Variants in AFF3 observed in about 807,000 individuals in gnomAD.
The protein encoded by AFF3 is ALF transcription elongation factor 3, also known as AF4/FMR2 family member 3.
AFF3 carries 32 observed loss-of-function variants against 129.7 expected under a neutral mutation model. The observed-to-expected ratio is 0.25, with a 90% CI of 0.19 to 0.33. The LOEUF is 0.33. AFF3 is among the 10% of genes least tolerant of loss of function. The probability of loss-of-function intolerance (pLI) is 1.00; values close to 1 mark genes in which losing one functional copy is unlikely to be tolerated. For synonymous variants in AFF3, 644 were observed against 635.4 expected (o/e 1.01, Z -0.20); for missense variants, 1,373 against 1,592.0 (o/e 0.86, Z 2.34).
intron 8 of AFF3, among the ~76,000 whole-genome samples, chr2:99,812,303 G>A (rs940686832): frequency 2.0e-5 from 3 of 152,098 alleles, no homozygotes; most frequent in Non-Finnish European, 4.4e-5. Flanking sequence ...TGTTACTTCT[G>A]AAGTAAGATC....
At chr2:99,805,871 G>T (rs375142642) in intron 8 of AFF3, among the ~76,000 whole-genome samples, 1 of 148,388 alleles carries the variant, frequency 6.7e-6, no homozygotes, top group Admixed American at 6.7e-5. Flanking sequence ...ACATTTGCCC[G>T]CTCTTTTCAT....
At chr2:99,921,680 A>G (rs541613904) in intron 7 of AFF3, among the ~76,000 whole-genome samples, 32 of 152,206 alleles carry the variant, frequency 2.1e-4, no homozygotes, top group Non-Finnish European at 4.1e-4. Flanking sequence ...ACTTCTTGTA[A>G]CACAGAAAGG....
chr2:100,131,494 C>G (rs1254361361), intron 1 of AFF3, among the ~76,000 whole-genome samples: 2 of 152,060 alleles, frequency 1.3e-5, no homozygotes, highest in Non-Finnish European at 2.9e-5. Flanking sequence ...GAGTCTTGCT[C>G]TGTTGCCCAG....
intron 11 of AFF3, among the ~76,000 whole-genome samples, chr2:99,708,996 T>C (rs1252259285): frequency 1.3e-5 from 2 of 152,090 alleles, no homozygotes; most frequent in African/African-American, 4.8e-5. Context: ...TAATACAAGA[T>C]AGGTGAAGAA....
chr2:99,628,462 A>G (rs1682802999), intron 13 of AFF3, among the ~76,000 whole-genome samples: 1 of 152,168 alleles, frequency 6.6e-6, no homozygotes, highest in African/African-American at 2.4e-5. Flanking sequence ...TTTTGAACTG[A>G]GACAATGGGG....
intron 2 of AFF3, among the ~76,000 whole-genome samples, chr2:100,113,703 G>A (rs886769431): frequency 2.0e-5 from 3 of 152,202 alleles, no homozygotes; most frequent in African/African-American, 7.2e-5. Context: ...GCTTAATACA[G>A]CCCCTAACAT....
intron 4 of AFF3, among the ~76,000 whole-genome samples, chr2:100,056,059 T>TCACACACACA (rs747714847): frequency 3.2e-3 from 372 of 114,614 alleles, no homozygotes; most frequent in African/African-American, 8.2e-3. Context: ...TCGCTGTCTC[T>TCACACACACA]CTCTCACACA....
chr2:99,601,509 C>T lies in AFF3; in HGVS notation c.1297G>A (p.Gly433Arg), dbSNP rs997133039. Residue 433 changes from glycine (G) to arginine (R), a missense_variant, in exon 14 of 25, where the codon GGA becomes AGA. Coordinates refer to ENST00000672756, the MANE Select transcript of AFF3 (RefSeq NM_001386135.1). ...SSSSDSESSSGSDSETESSSS... is the reference protein window; with the variant it reads ...SSSSDSESSSRSDSETESSSS... ...CTGCTCTCGGTCTCCGAGTCAGATC[C>T]GGAGCTGCTCTCTGAGTCGCTGGAG... 8.1e-6 allele frequency: 13 copies of T among 1,606,532 alleles called. No individual in the cohort carries two copies. The highest frequency in any genetic ancestry group is 1.0e-5 in the Non-Finnish European group (12 of 1,177,234).
intron 7 of AFF3, among the ~76,000 whole-genome samples, chr2:99,986,731 T>C (rs1679910026): frequency 6.6e-6 from 1 of 152,200 alleles, no homozygotes; most frequent in Non-Finnish European, 1.5e-5. Context: ...AAAAGGAAGA[T>C]CATGCCTATT....
chr2:99,792,583 C>G (rs915492249), intron 8 of AFF3, among the ~76,000 whole-genome samples: 1 of 152,184 alleles, frequency 6.6e-6, no homozygotes, highest in Non-Finnish European at 1.5e-5. Flanking sequence ...GCAATTTGTT[C>G]CTTTATCATT....
intron 12 of AFF3, among the ~76,000 whole-genome samples, chr2:99,667,841 T>A (rs1284042636): frequency 1.3e-5 from 2 of 152,188 alleles, no homozygotes; most frequent in Admixed American, 1.3e-4. Context: ...TTAGATAATC[T>A]GAGTAGCTCT....
chr2:99,880,840 T>C (rs965071182), intron 7 of AFF3, among the ~76,000 whole-genome samples: 5 of 151,994 alleles, frequency 3.3e-5, no homozygotes, highest in African/African-American at 9.7e-5. Flanking sequence ...GGACGAGCAG[T>C]TGGAGGAGGC....
intron 8 of AFF3, among the ~76,000 whole-genome samples, chr2:99,820,858 TCTC>T (rs1006138016): frequency 2.0e-5 from 3 of 147,620 alleles, no homozygotes; most frequent in Non-Finnish European, 3.0e-5. Flanking sequence ...ATCACTGTCT[TCTC>T]CTCCACATCT....
At chr2:99,693,936 G>A (rs76022198) in intron 11 of AFF3, among the ~76,000 whole-genome samples, 1 of 126,104 alleles carries the variant, frequency 7.9e-6, no homozygotes, top group Admixed American at 8.0e-5. Context: ...TTTTTTTTTT[G>A]AGACAGAGTC....
rs575640783 is a variant in AFF3 at position 99,549,355 on chromosome 2, C to T, written c.*2119G>A. The T allele has an allele frequency of 4.0e-4, 75 of 185,944 alleles. No homozygotes were observed. Among genetic ancestry groups the T allele is most frequent in the African/African-American group, 1.5e-3 (63 of 42,790 alleles). 11.5% of individuals were successfully genotyped at this position (185,944 alleles called of 1,614,324 possible). A position where few individuals can be genotyped will look rare whatever the true frequency, so the allele number is the denominator to read the frequency against. ...ATCACAACACTTTGGGAGGTGGAGG[C>T]GGGTAGATCACCTGAGGTCAGGAGT... On this transcript the variant is annotated 3_prime_UTR_variant, in exon 25 of 25. Transcript: ENST00000672756.
intron 7 of AFF3, among the ~76,000 whole-genome samples, chr2:99,880,648 T>C (rs1282684630): frequency 6.6e-6 from 1 of 152,036 alleles, no homozygotes; most frequent in Non-Finnish European, 1.5e-5. Context: ...CTACCCACCC[T>C]GGAAAAAAAT....
intron 7 of AFF3, among the ~76,000 whole-genome samples, chr2:99,878,317 G>A (rs1157821387): frequency 6.6e-6 from 1 of 152,072 alleles, no homozygotes; most frequent in Non-Finnish European, 1.5e-5. Flanking sequence ...AACAGTTCTT[G>A]CAATGGAACG....
intron 2 of AFF3, among the ~76,000 whole-genome samples, chr2:100,110,514 C>T (rs570623990): frequency 1.4e-4 from 21 of 152,258 alleles, no homozygotes; most frequent in Admixed American, 8.5e-4. Context: ...CGGAGGAAAC[C>T]GAAGCTGCAA....
intron 7 of AFF3, among the ~76,000 whole-genome samples, chr2:99,907,539 ATTCT>A (rs1225302736): frequency 2.7e-5 from 4 of 149,368 alleles, no homozygotes; most frequent in African/African-American, 9.8e-5. Context: ...AGCTTTTACT[ATTCT>A]TTTTTTTTTT....
Sources: allele counts gnomAD v4.1 joint callset (sites outside exome capture counted in the v4.1 genomes callset), GRCh38; gene constraint gnomAD v4.1.1; transcripts MANE v1.5; gene names NCBI Gene and HGNC (gene_info 2026-07-23, HGNC 2026-07-21).